The following GRIK2 variants were observed in gnomAD, a reference collection of about 807,000 sequenced individuals.
The protein encoded by GRIK2 is glutamate receptor ionotropic, kainate 2.
GRIK2 carries 32 observed loss-of-function variants against 100.3 expected under a neutral mutation model. That is an observed-to-expected ratio of 0.32 (90% CI 0.24 to 0.43). The LOEUF is 0.43. Ranked by LOEUF, GRIK2 falls within the 20% of genes least tolerant of loss-of-function variation. The probability of loss-of-function intolerance (pLI) is 1.00; values close to 1 mark genes in which losing one functional copy is unlikely to be tolerated. For synonymous variants in GRIK2, 417 were observed against 389.4 expected, an observed-to-expected ratio of 1.07 and a Z score of -0.83; for missense variants, 843 against 1,114.9, an observed-to-expected ratio of 0.76 and a Z score of 3.47.
At chr6:101,439,681 C>T (rs546881296) in intron 2 of GRIK2, among the ~76,000 whole-genome samples, 49 of 151,954 alleles carry the variant, frequency 3.2e-4, no homozygotes, top group Non-Finnish European at 6.2e-4. Flanking sequence ...TTGATAATTA[C>T]TTCAAAAATG....
intron 14 of GRIK2, among the ~76,000 whole-genome samples, chr6:102,034,377 T>C (rs947934601): frequency 1.3e-5 from 2 of 151,416 alleles, no homozygotes; most frequent in Non-Finnish European, 3.0e-5. Context: ...AAATATTCCA[T>C]ATCTATTTGC....
At chr6:102,003,003 CTT>C (rs1243029765) in intron 14 of GRIK2, among the ~76,000 whole-genome samples, 3 of 151,142 alleles carry the variant, frequency 2.0e-5, no homozygotes, top group African/African-American at 7.3e-5. Flanking sequence ...TTTTAATTGT[CTT>C]ATTTAAATTG....
intron 4 of GRIK2, among the ~76,000 whole-genome samples, chr6:101,672,638 T>G (rs983003024): frequency 1.3e-5 from 2 of 152,130 alleles, no homozygotes; most frequent in African/African-American, 4.8e-5. Context: ...CATGGGTAAA[T>G]TTTGTGTTGT....
intron 14 of GRIK2, chr6:101,993,173 T>A (rs1030819898): frequency 6.6e-6 from 1 of 150,566 alleles, no homozygotes; most frequent in Non-Finnish European, 1.5e-5. Context: ...TTCTGCTTTC[T>A]AGCAGAAGAA....
intron 14 of GRIK2, among the ~76,000 whole-genome samples, chr6:102,031,841 C>T (rs1486647789): frequency 6.6e-6 from 1 of 151,074 alleles, no homozygotes; most frequent in Non-Finnish European, 1.5e-5. Flanking sequence ...TGGTGATACA[C>T]GTATTTTAAA....
chr6:101,654,288 A>T (rs1283105023), intron 4 of GRIK2, among the ~76,000 whole-genome samples: 1 of 152,024 alleles, frequency 6.6e-6, no homozygotes. Context: ...TGGGATCGTG[A>T]TGTTTGTTCC....
chr6:101,778,364 A>C lies in GRIK2; in HGVS notation c.952-21284A>C, dbSNP rs77240661. Among the ~76,000 whole-genome samples, 1,097 of 152,322 alleles carry C rather than the reference A, an allele frequency of 7.2e-3. 7 individuals are homozygous for C. The highest frequency in any genetic ancestry group is 9.8e-3 in the Non-Finnish European group (665 of 68,014). On this transcript the variant is annotated intron_variant, in intron 7 of 16. Coordinates refer to ENST00000369134, the MANE Select transcript of GRIK2 (RefSeq NM_021956.5). ...AGATGTATGAGAGTAAAATGTACAC[A>C]TTATAAACTACACATATTTAAATTA...
intron 7 of GRIK2, among the ~76,000 whole-genome samples, chr6:101,793,377 T>A (rs943964952): frequency 6.6e-6 from 1 of 152,164 alleles, no homozygotes; most frequent in Non-Finnish European, 1.5e-5. Context: ...GATGTACAGA[T>A]GGGTTTTGGT....
chr6:101,985,356 G>A (rs1247175672), intron 14 of GRIK2, among the ~76,000 whole-genome samples: 1 of 151,608 alleles, frequency 6.6e-6, no homozygotes, highest in Non-Finnish European at 1.5e-5. Context: ...CTCAATATTA[G>A]GTCTTATAAT....
intron 2 of GRIK2, among the ~76,000 whole-genome samples, chr6:101,434,841 A>G (rs1769623181): frequency 6.6e-6 from 1 of 152,112 alleles, no homozygotes; most frequent in South Asian, 2.1e-4. Context: ...AATTCCTGAA[A>G]GGGAAACATA....
chr6:101,395,201 C>T (rs557657864), intron 1 of GRIK2, among the ~76,000 whole-genome samples: 1 of 152,284 alleles, frequency 6.6e-6, no homozygotes, highest in East Asian at 1.9e-4. Context: ...ACTTTATTCT[C>T]TGAGATCTTT....
intron 2 of GRIK2, among the ~76,000 whole-genome samples, chr6:101,467,191 A>G (rs1771692376): frequency 6.6e-6 from 1 of 152,176 alleles, no homozygotes; most frequent in African/African-American, 2.4e-5. Flanking sequence ...AAATTGAATA[A>G]TTTCTGGACC....
intron 10 of GRIK2, among the ~76,000 whole-genome samples, chr6:101,850,246 G>T (rs1178270191): frequency 1.3e-5 from 2 of 151,950 alleles, no homozygotes; most frequent in African/African-American, 4.8e-5. Context: ...TTTCATAAGG[G>T]CAGGAATTTT....
At chr6:101,934,289 C>G (rs956379216) in intron 14 of GRIK2, among the ~76,000 whole-genome samples, 1 of 151,816 alleles carries the variant, frequency 6.6e-6, no homozygotes, top group Non-Finnish European at 1.5e-5. Context: ...TTTGGCTCAC[C>G]CACATGACCT....
At chr6:101,925,028 A>G (rs553337464) in intron 13 of GRIK2, among the ~76,000 whole-genome samples, 11 of 152,290 alleles carry the variant, frequency 7.2e-5, no homozygotes, top group Admixed American at 5.9e-4. Flanking sequence ...CATTTAAACT[A>G]CTACAAAGAT....
intron 14 of GRIK2, among the ~76,000 whole-genome samples, chr6:101,986,616 C>A (rs1794029973): frequency 6.6e-6 from 1 of 151,836 alleles, no homozygotes; most frequent in South Asian, 2.1e-4. Context: ...CTCATATTTT[C>A]AGTTTTGTTT....
chr6:101,577,654 A>G (rs1777853476), intron 2 of GRIK2, among the ~76,000 whole-genome samples: 1 of 152,170 alleles, frequency 6.6e-6, no homozygotes, highest in Non-Finnish European at 1.5e-5. Flanking sequence ...TTATGAATCA[A>G]CATAGGTCAA....
At chr6:101,543,909 A>G (rs1025357714) in intron 2 of GRIK2, among the ~76,000 whole-genome samples, 6 of 152,192 alleles carry the variant, frequency 3.9e-5, no homozygotes, top group African/African-American at 1.4e-4. Flanking sequence ...GCTTTTAGTG[A>G]AGAGCTCCAA....
At chr6:101,632,120 A>G (rs1026803523) in intron 4 of GRIK2, among the ~76,000 whole-genome samples, 1 of 152,100 alleles carries the variant, frequency 6.6e-6, no homozygotes, top group Non-Finnish European at 1.5e-5. Flanking sequence ...ATTTGCACAA[A>G]CACACTCAGG....
Sources: allele counts gnomAD v4.1 joint callset (sites outside exome capture counted in the v4.1 genomes callset), GRCh38; gene constraint gnomAD v4.1.1; transcripts MANE v1.5; gene names NCBI Gene and HGNC (gene_info 2026-07-23, HGNC 2026-07-21).